ATG2A: variants seen among roughly 807,000 people sequenced by gnomAD.
ATG2A encodes the protein autophagy related 2A.
In ATG2A, 103 loss-of-function variants were observed where a neutral mutation model predicts 214.2. The observed-to-expected ratio is 0.48, with a 90% CI of 0.41 to 0.57. The LOEUF is 0.57. Among genes scored for constraint, ATG2A ranks in the 20% least tolerant of loss-of-function variants. The pLI is 0.00. For synonymous variants in ATG2A, 1,160 were observed against 1,142.1 expected (o/e 1.02, Z -0.32); for missense variants, 2,312 against 2,613.2 (o/e 0.88, Z 2.51).
chr11:64,896,976 T>A (rs1487078206), intron 37 of ATG2A, 107 bp from the exon 38 acceptor site: 6 of 1,460,872 alleles, frequency 4.1e-6, no homozygotes, highest in Non-Finnish European at 5.5e-6. Context: ...CTGTGGGCAC[T>A]CTACCCTCCC....
chr11:64,909,649 T>G, intron 14 of ATG2A, 32 bp downstream of exon 14: 3 of 1,602,222 alleles, frequency 1.9e-6, no homozygotes, highest in Non-Finnish European at 2.6e-6. Context: ...CCAGGCCTCT[T>G]GCCCCAAGTT....
rs767404698 is a variant in ATG2A, at chr11:64,902,086, C to G, written c.3995G>C (p.Gly1332Ala). 2 of 1,613,936 alleles carry G rather than the reference C, an allele frequency of 1.2e-6. No individual in the cohort carries two copies. Among genetic ancestry groups the G allele is most frequent in the Non-Finnish European group, 1.7e-6 (2 of 1,180,018 alleles). Reference protein sequence around the residue: ...GAPPPSPPVGGPAGSLGSCSE... With the variant: ...GAPPPSPPVGAPAGSLGSCSE... The stretch of plus-strand genomic sequence containing the variant: ...GCATGACCCTAAGCTGCCAGCAGGG[C>G]CCCCGACAGGTGGTGAAGGGGGTGG... Residue 1332 changes from glycine (G) to alanine (A), a missense_variant, in exon 29 of 41, where the codon GGC becomes GCC. Coordinates refer to ENST00000377264, the MANE Select transcript of ATG2A (RefSeq NM_015104.3).
At chr11:64,910,780 T>G in intron 11 of ATG2A, 27 bp downstream of exon 11, 1 of 1,610,566 alleles carries the variant, frequency 6.2e-7, no homozygotes, top group East Asian at 2.2e-5. Flanking sequence ...AGACCCCGCC[T>G]CGTACACATT....
At chr11:64,907,960 T>C in intron 16 of ATG2A, 70 bp from the exon 17 acceptor site, 2 of 1,532,062 alleles carry the variant, frequency 1.3e-6, no homozygotes, top group Non-Finnish European at 1.8e-6. Flanking sequence ...GTCTCTGGTC[T>C]CAGTCCTGCC....
In ATG2A at chr11:64,898,715, C is replaced by T. The variant is rs1317397436; in HGVS notation, c.4592G>A (p.Arg1531Gln). 6.2e-6 allele frequency: 10 copies of T among 1,613,998 alleles called. No individual in the cohort carries two copies. Among genetic ancestry groups the T allele is most frequent in the East Asian group, 4.5e-5 (2 of 44,874 alleles). ...CTTGTTGATCTGGGAGGAGGCGAGCCGGTCTCGGACCTCCAGCTCCTGCAC... is the reference window on the plus strand; with the variant it reads ...CTTGTTGATCTGGGAGGAGGCGAGCTGGTCTCGGACCTCCAGCTCCTGCAC... Reference protein sequence around the residue: ...FIVQELEVRDRLASSQINKFL... With the variant: ...FIVQELEVRDQLASSQINKFL... Residue 1531 changes from arginine to glutamine, a missense_variant, in exon 32 of 41, where the codon CGG (arginine) becomes CAG (glutamine). By Grantham distance (43) the Arg-to-Gln change is conservative. Coordinates refer to ENST00000377264, the MANE Select transcript of ATG2A (RefSeq NM_015104.3). This position sits in a 1 kb window ranked among gnomAD's most constrained non-coding sequence, Gnocchi z 4.5.
At position 64,914,205 on chromosome 11, in the gene ATG2A, C is replaced by A; in HGVS notation, c.363G>T (p.Trp121Cys). Reference sequence around the variant, plus strand: ...GCAGGCTTGTGGTCATGCATGAGGCCCAGCTCTGTGAGTCGGCAGCCCCTG... The same window carrying A: ...GCAGGCTTGTGGTCATGCATGAGGCACAGCTCTGTGAGTCGGCAGCCCCTG... ...PAPGAADSQS[W>C]ASCMTTSLQL... The change falls in exon 3 of 41, where the codon TGG (tryptophan) becomes TGT (cysteine). Residue 121 changes from tryptophan (W) to cysteine (C), a missense_variant. Trp to Cys is a radical substitution (Grantham distance 215). Transcript: ENST00000377264. 1 of 1,553,862 alleles carries A rather than the reference C, an allele frequency of 6.4e-7. No individual in the cohort carries two copies. Among genetic ancestry groups the A allele is most frequent in the Non-Finnish European group, 8.7e-7 (1 of 1,148,594 alleles).
intron 1 of ATG2A, among the ~76,000 whole-genome samples, chr11:64,916,488 G>C (rs992225551): frequency 6.6e-6 from 1 of 152,086 alleles, no homozygotes; most frequent in African/African-American, 2.4e-5. Flanking sequence ...TCCCACCTAC[G>C]GGCTCAGGAC....
rs1475147441 is a variant in ATG2A at position 64,894,606 on chromosome 11, A to G, written c.*367T>C. The G allele has an allele frequency of 1.9e-6, 1 of 527,704 alleles. No homozygotes were observed. Among genetic ancestry groups the G allele is most frequent in the Non-Finnish European group, 3.7e-6 (1 of 273,296 alleles). The allele number at this position is 527,704 out of a possible 1,614,324, so 32.7% of individuals were successfully genotyped here. ...CTGACCCACGCACTCACGGAGCTTA[A>G]AAATAATACATCGAACCACACGGAT... On this transcript the variant is annotated 3_prime_UTR_variant, in exon 41 of 41. Coordinates refer to ENST00000377264, the MANE Select transcript of ATG2A (RefSeq NM_015104.3).
Position 64,911,077 on chromosome 11 carries a change from C to G in ATG2A, c.1427G>C (p.Arg476Pro). 6.2e-7 allele frequency: 1 copy of G among 1,613,900 alleles called. No individual in the cohort carries two copies. Among genetic ancestry groups the G allele is most frequent in the South Asian group, 1.1e-5 (1 of 91,074 alleles). Reference sequence around the variant, plus strand: ...GGGACAGGCCCTCTGGAAGCGTGGTCGAAGGTGATGGAAGTCTCGGGAACC... The same window carrying G: ...GGGACAGGCCCTCTGGAAGCGTGGTGGAAGGTGATGGAAGTCTCGGGAACC... ...PFGSRDFHHL[R>P]PRFQRACPCS... is the part of the protein sequence containing the mutation. Residue 476 changes from arginine to proline, a missense_variant, in exon 10 of 41, where the codon CGA (arginine) becomes CCA (proline). Physicochemically the swap from Arg to Pro is moderately radical, Grantham distance 103 (BLOSUM62 -2). Coordinates refer to ENST00000377264, the MANE Select transcript of ATG2A (RefSeq NM_015104.3).
intron 26 of ATG2A, 30 bp from the exon 27 acceptor site, chr11:64,902,710 T>C: frequency 6.3e-7 from 1 of 1,595,676 alleles, no homozygotes; most frequent in East Asian, 2.2e-5. Context: ...GGAGCAGCTA[T>C]GTGAACACAG....
At position 64,908,912 on chromosome 11, in the gene ATG2A, C is replaced by T. The variant is rs191270346; in HGVS notation, c.2364+79G>A. 7.0e-4 allele frequency: 1,055 copies of T among 1,513,884 alleles called. 4 individuals carry two copies. In the African/African-American group the frequency reaches 0.013, roughly 19 times the overall value. The allele number at this position is 1,513,884 out of a possible 1,614,324, so 93.8% of individuals were successfully genotyped here. ...GTGGTCGTGCTGCCCTGGCCCACAG[C>T]CACACAGGTGGCTCCTACGGCAGGA... On this transcript the variant is annotated intron_variant, in intron 16 of 40. Coordinates refer to ENST00000377264, the MANE Select transcript of ATG2A (RefSeq NM_015104.3).
Position 64,895,394 on chromosome 11 carries a change from A to C in ATG2A, c.5476T>G (p.Ser1826Ala). 2 of 1,610,050 alleles carry C rather than the reference A, an allele frequency of 1.2e-6. No individual in the cohort carries two copies. The highest frequency in any genetic ancestry group is 1.7e-6 in the Non-Finnish European group (2 of 1,177,852). Reference protein sequence around the residue: ...YDILSPAAPVSRSLQDKRSAR... With the variant: ...YDILSPAAPVARSLQDKRSAR... ...GAGCGCTTATCCTGCAGGGAGCGGG[A>C]GACGGGGGCTGCCGGGGACAGGATG... Residue 1826 changes from serine to alanine, a missense_variant, in exon 40 of 41, where the codon TCC becomes GCC. Coordinates refer to ENST00000377264, the MANE Select transcript of ATG2A (RefSeq NM_015104.3). The surrounding 1 kb of genome is among the most constrained non-coding windows in gnomAD (Gnocchi z 5.0).
At chr11:64,909,530 CG>C in intron 14 of ATG2A, 150 bp downstream of exon 14, 5 of 1,434,968 alleles carry the variant, frequency 3.5e-6, no homozygotes, top group Non-Finnish European at 3.8e-6. Context: ...GTGAGGAGGC[CG>C]GGGACAGGCA....
chr11:64,911,612 C>T (rs1005122205), intron 9 of ATG2A, among the ~76,000 whole-genome samples: 1 of 152,332 alleles, frequency 6.6e-6, no homozygotes, highest in Middle Eastern at 3.4e-3. Flanking sequence ...GAAGAGGAAG[C>T]TGAGTCTCAG....
chr11:64,894,833 G>T lies in ATG2A; in HGVS notation c.*140C>A. The T allele has an allele frequency of 2.9e-6, 3 of 1,030,088 alleles. No individual in the cohort carries two copies. Among genetic ancestry groups the T allele is most frequent in the Non-Finnish European group, 4.5e-6 (3 of 662,032 alleles). The allele number at this position is 1,030,088 out of a possible 1,614,324, so 63.8% of individuals were successfully genotyped here. A position where few individuals can be genotyped will look rare whatever the true frequency, so the allele number is the denominator to read the frequency against. Reference sequence around the variant, plus strand: ...GGAGGCCCCCCTCTCACAGCAGATTGGCAACGGGCAGGCTGGGAAGGCGTC... The same window carrying T: ...GGAGGCCCCCCTCTCACAGCAGATTTGCAACGGGCAGGCTGGGAAGGCGTC... On this transcript the variant is annotated 3_prime_UTR_variant, in exon 41 of 41. Coordinates refer to ENST00000377264, the MANE Select transcript of ATG2A (RefSeq NM_015104.3).
At position 64,897,654 on chromosome 11, in the gene ATG2A, C is replaced by T; in HGVS notation, c.5067+17G>A. 2 of 1,614,204 alleles carry T rather than the reference C, an allele frequency of 1.2e-6. No homozygotes were observed. Among genetic ancestry groups the T allele is most frequent in the Non-Finnish European group, 1.7e-6 (2 of 1,180,012 alleles). ...AGCTGACCCCACATGGCCACCCCAT[C>T]CGACCGCCCCACTTACCACCTGGTC... On this transcript the variant is annotated intron_variant, in intron 36 of 40. Coordinates refer to ENST00000377264, the MANE Select transcript of ATG2A (RefSeq NM_015104.3).
rs560740512 is a variant in ATG2A, at chr11:64,898,546, G to A, written c.4671+90C>T. ...AACCTGGGTGTTTGTGTGGGAATGC[G>A]TGTATGTGTGTGAATCCATGCATGC... On this transcript the variant is annotated intron_variant, in intron 32 of 40. Transcript: ENST00000377264. This position sits in a 1 kb window ranked among gnomAD's most constrained non-coding sequence, Gnocchi z 4.5. 3.3e-5 allele frequency: 48 copies of A among 1,456,052 alleles called. No individual in the cohort carries two copies. Among genetic ancestry groups the A allele is most frequent in the East Asian group, 6.9e-5 (3 of 43,224 alleles). 90.2% of individuals were successfully genotyped at this position (1,456,052 alleles called of 1,614,324 possible). A position where few individuals can be genotyped will look rare whatever the true frequency, so the allele number is the denominator to read the frequency against.
intron 35 of ATG2A, 32 bp downstream of exon 35, chr11:64,897,807 C>T (rs1304274469): frequency 1.7e-5 from 28 of 1,613,818 alleles, no homozygotes; most frequent in Non-Finnish European, 2.4e-5. Context: ...CAATCTGGCC[C>T]AGGGCCCCCC....
Position 64,917,113 on chromosome 11 carries a change from C to A in ATG2A, c.23G>T (p.Trp8Leu), listed in dbSNP as rs747789103. 1 of 1,611,212 alleles carries A rather than the reference C, an allele frequency of 6.2e-7. No individual in the cohort carries two copies. Among genetic ancestry groups the A allele is most frequent in the Non-Finnish European group, 8.5e-7 (1 of 1,179,300 alleles). The change falls in exon 1 of 41, where the codon TGG becomes TTG. Residue 8 changes from tryptophan to leucine, a missense_variant. Physicochemically the swap from Trp to Leu is moderately conservative, Grantham distance 61 (BLOSUM62 -2). Coordinates refer to ENST00000377264, the MANE Select transcript of ATG2A (RefSeq NM_015104.3). ...GACCCGCTCTTTCACACAGTTTGAC[C>A]ATGGCCACAGCCATCGTGACATCTC... is the stretch of plus-strand genomic sequence containing the variant. MSRWLWP[W>L]SNCVKERVCR...
Sources: gnomAD v4.1 joint callset for allele counts (sites outside exome capture counted in the v4.1 genomes callset) on GRCh38, gnomAD v4.1.1 for gene constraint, Gnocchi (gnomAD v3.1) non-coding constraint, MANE v1.5 for transcripts, NCBI Gene and HGNC (gene_info 2026-07-23, HGNC 2026-07-21) for gene names.